The following PPFIA2 variants were observed in gnomAD, a reference collection of about 807,000 sequenced individuals.
PPFIA2 encodes the protein PPFI scaffold protein A2.
Under a neutral mutation model 175.5 loss-of-function variants are expected in PPFIA2, and 46 were observed. The ratio of observed to expected loss-of-function variants is 0.26; its 90% CI spans 0.21 to 0.34. The LOEUF (loss-of-function observed/expected upper bound fraction) is 0.34. Ranked by LOEUF, PPFIA2 falls within the 10% of genes least tolerant of loss-of-function variation. The pLI is 1.00. For missense variants in PPFIA2, 1,179 were observed against 1,506.1 expected (o/e 0.78, Z 3.60); for synonymous variants, 568 against 511.4 (o/e 1.11, Z -1.49).
intron 17 of PPFIA2, among the ~76,000 whole-genome samples, chr12:81,351,769 G>A (rs1008304388): frequency 4.6e-5 from 7 of 151,332 alleles, no homozygotes; most frequent in Non-Finnish European, 8.8e-5. Flanking sequence ...GACAGGCATG[G>A]TGGCACATGC....
chr12:81,281,727 A>G (rs1225995659), intron 26 of PPFIA2, among the ~76,000 whole-genome samples: 1 of 152,096 alleles, frequency 6.6e-6, no homozygotes, highest in Admixed American at 6.5e-5. Context: ...TAAAGAAATT[A>G]TTATACAAAC....
In PPFIA2 at chr12:81,744,717, C is replaced by T. The variant is rs114058616; in HGVS notation, c.249+9256G>A. On this transcript the variant is annotated intron_variant, in intron 3 of 32. Transcript: ENST00000549396. The stretch of plus-strand genomic sequence containing the variant: ...CTGGGATTACAGGCATGGGCCACTG[C>T]GCCCAGCCACAAGAAATGCTTTCTA... Among the ~76,000 whole-genome samples the T allele has an allele frequency of 1.8e-3, 276 of 152,266 alleles. 1 individual carries two copies. Among genetic ancestry groups the T allele is most frequent in the African/African-American group, 6.2e-3 (256 of 41,562 alleles).
intron 4 of PPFIA2, among the ~76,000 whole-genome samples, chr12:81,617,112 G>C (rs2061486596): frequency 6.6e-6 from 1 of 152,116 alleles, no homozygotes; most frequent in Admixed American, 6.5e-5. Flanking sequence ...TAACTTACTA[G>C]GGCATTTGCA....
At chr12:81,467,854 T>G (rs2055981858) in intron 4 of PPFIA2, among the ~76,000 whole-genome samples, 1 of 152,174 alleles carries the variant, frequency 6.6e-6, no homozygotes, top group South Asian at 2.1e-4. Flanking sequence ...GCCTGAAGTC[T>G]TTCACAGATT....
chr12:81,739,690 G>T (rs1232577746), intron 3 of PPFIA2, among the ~76,000 whole-genome samples: 4 of 151,906 alleles, frequency 2.6e-5, no homozygotes, highest in African/African-American at 9.7e-5. Context: ...TATCTTAATT[G>T]AAGCAGATTA....
chr12:81,385,062 T>A (rs976171686), intron 8 of PPFIA2, among the ~76,000 whole-genome samples: 5 of 151,950 alleles, frequency 3.3e-5, no homozygotes, highest in African/African-American at 1.2e-4. Context: ...AATAAACATT[T>A]CTCAAAAGAA....
intron 17 of PPFIA2, among the ~76,000 whole-genome samples, chr12:81,352,300 A>C (rs1377201248): frequency 6.6e-6 from 1 of 151,782 alleles, no homozygotes. Flanking sequence ...AGGTTCCAGC[A>C]GGATTCTGTT....
intron 4 of PPFIA2, among the ~76,000 whole-genome samples, chr12:81,473,420 C>G (rs551760849): frequency 6.6e-6 from 1 of 151,922 alleles, no homozygotes; most frequent in East Asian, 1.9e-4. Flanking sequence ...AACAAACAAA[C>G]AAAAAAATTC....
Position 81,451,427 on chromosome 12 carries a change from C to T in PPFIA2, c.406-5707G>A, listed in dbSNP as rs566932087. On this transcript the variant is annotated intron_variant, in intron 5 of 32. Transcript: ENST00000549396. ...CCTGACGGGGCAGAGAGGAACCATG[C>T]TGGGAAGGGGTAGTGGCAGAGGCTG... Among the ~76,000 whole-genome samples the T allele has an allele frequency of 2.3e-3, 348 of 152,150 alleles. 1 individual carries two copies. Among genetic ancestry groups the T allele is most frequent in the African/African-American group, 8.0e-3 (331 of 41,508 alleles).
intron 28 of PPFIA2, among the ~76,000 whole-genome samples, chr12:81,274,653 A>G (rs1200425927): frequency 6.6e-6 from 1 of 152,190 alleles, no homozygotes; most frequent in African/African-American, 2.4e-5. Flanking sequence ...ACTGCTTCTT[A>G]GCAACAAATT....
intron 7 of PPFIA2, 98 bp from the exon 8 acceptor site, chr12:81,406,001 C>G (rs534467567): frequency 7.3e-5 from 44 of 604,976 alleles, no homozygotes; most frequent in Non-Finnish European, 1.2e-4. Context: ...CTAATGAACA[C>G]TAACAAATAA....
At chr12:81,439,561 A>G (rs117556633) in intron 7 of PPFIA2, among the ~76,000 whole-genome samples, 4,211 of 152,266 alleles carry the variant, frequency 0.028, 87 homozygotes, top group Middle Eastern at 0.12. Flanking sequence ...CAGTGCTTTT[A>G]GAAGATAAGA....
chr12:81,349,287 T>C (rs545234328), intron 17 of PPFIA2, among the ~76,000 whole-genome samples: 1 of 152,320 alleles, frequency 6.6e-6, no homozygotes, highest in East Asian at 1.9e-4. Flanking sequence ...TAATAGGCTG[T>C]TTAAAAATCT....
chr12:81,577,958 C>A (rs547347692), intron 4 of PPFIA2, among the ~76,000 whole-genome samples: 3 of 151,794 alleles, frequency 2.0e-5, no homozygotes, highest in African/African-American at 4.8e-5. Flanking sequence ...GAGGTTTCAG[C>A]CAGTGGTCAG....
chr12:81,287,737 C>T (rs549828180), intron 24 of PPFIA2, among the ~76,000 whole-genome samples: 66 of 151,892 alleles, frequency 4.3e-4, no homozygotes, highest in African/African-American at 1.3e-3. Context: ...TACATTGTGA[C>T]GGAGTAATTT....
intron 4 of PPFIA2, chr12:81,598,172 T>C: frequency 7.1e-7 from 1 of 1,401,814 alleles, no homozygotes; most frequent in South Asian, 1.7e-5. Flanking sequence ...ACATACACAG[T>C]GATAGCATTT....
intron 3 of PPFIA2, among the ~76,000 whole-genome samples, chr12:81,696,021 G>T (rs145749105): frequency 6.6e-6 from 1 of 152,290 alleles, no homozygotes; most frequent in African/African-American, 2.4e-5. Context: ...GTGTAATTGA[G>T]TGTTGGTATT....
intron 7 of PPFIA2, among the ~76,000 whole-genome samples, chr12:81,428,216 C>T (rs922002216): frequency 6.6e-6 from 1 of 151,772 alleles, no homozygotes; most frequent in African/African-American, 2.4e-5. Flanking sequence ...ACTATGTCTG[C>T]TACCACAAAT....
At chr12:81,751,926 C>G (rs987289223) in intron 3 of PPFIA2, among the ~76,000 whole-genome samples, 1 of 151,608 alleles carries the variant, frequency 6.6e-6, no homozygotes, top group Non-Finnish European at 1.5e-5. Flanking sequence ...CTTTTTTTTA[C>G]AGAAGAGGAA....
Sources: allele counts gnomAD v4.1 joint callset (sites outside exome capture counted in the v4.1 genomes callset), GRCh38; gene constraint gnomAD v4.1.1; transcripts MANE v1.5; gene names NCBI Gene and HGNC (gene_info 2026-07-23, HGNC 2026-07-21).